Variants in LMX1A observed in about 807,000 individuals in gnomAD.
The protein encoded by LMX1A is LIM homeobox transcription factor 1-alpha.
In LMX1A, 15 loss-of-function variants were observed where a neutral mutation model predicts 49.1. That is an observed-to-expected ratio of 0.31 (90% CI 0.20 to 0.47). The LOEUF (loss-of-function observed/expected upper bound fraction) is 0.47. Among genes scored for constraint, LMX1A ranks in the 20% least tolerant of loss-of-function variants. The probability of loss-of-function intolerance (pLI) is 1.00; values close to 1 mark genes in which losing one functional copy is unlikely to be tolerated. For missense variants in LMX1A, 372 were observed against 475.8 expected, an observed-to-expected ratio of 0.78 and a Z score of 2.03; for synonymous variants, 167 against 185.7, an observed-to-expected ratio of 0.90 and a Z score of 0.82.
At chr1:165,255,939 C>G (rs1423266656) in intron 3 of LMX1A, among the ~76,000 whole-genome samples, 1 of 152,024 alleles carries the variant, frequency 6.6e-6, no homozygotes, top group Admixed American at 6.6e-5. Context: ...CACCATTGCA[C>G]TCCAGCCTGG....
chr1:165,232,987 G>C (rs890511879), intron 4 of LMX1A, among the ~76,000 whole-genome samples: 4 of 152,158 alleles, frequency 2.6e-5, no homozygotes, highest in Admixed American at 2.6e-4. Flanking sequence ...CGGACCAGCA[G>C]AAGTCCCAAT....
chr1:165,207,455 G>A (rs578120708), intron 7 of LMX1A: 1 of 152,274 alleles, frequency 6.6e-6, no homozygotes, highest in South Asian at 2.1e-4. Context: ...CACAGTTAGA[G>A]TTCTAGTCCC....
At chr1:165,291,553 T>C (rs1654467203) in intron 3 of LMX1A, among the ~76,000 whole-genome samples, 1 of 152,176 alleles carries the variant, frequency 6.6e-6, no homozygotes, top group Non-Finnish European at 1.5e-5. Context: ...CTACCAGAAT[T>C]CAAAATAATG....
intron 3 of LMX1A, among the ~76,000 whole-genome samples, chr1:165,339,147 T>C (rs528979766): frequency 6.6e-6 from 1 of 152,334 alleles, no homozygotes; most frequent in East Asian, 1.9e-4. Flanking sequence ...AAAAACCCAC[T>C]GTTATCCACT....
chr1:165,217,115 TTC>T (rs1022043090), intron 4 of LMX1A, among the ~76,000 whole-genome samples: 1 of 152,216 alleles, frequency 6.6e-6, no homozygotes, highest in Non-Finnish European at 1.5e-5. Context: ...AGGTGTTCAT[TTC>T]TCTCTCTTTG....
chr1:165,285,657 T>C (rs1654284213), intron 3 of LMX1A, among the ~76,000 whole-genome samples: 1 of 152,202 alleles, frequency 6.6e-6, no homozygotes, highest in African/African-American at 2.4e-5. Flanking sequence ...CCAAAAGGAA[T>C]GGGCTCAGCC....
chr1:165,230,699 T>C (rs759947015), intron 4 of LMX1A, among the ~76,000 whole-genome samples: 1 of 152,200 alleles, frequency 6.6e-6, no homozygotes, highest in South Asian at 2.1e-4. Flanking sequence ...AGACTAACAA[T>C]TTCACATTCA....
At chr1:165,229,499 G>C (rs1652165419) in intron 4 of LMX1A, among the ~76,000 whole-genome samples, 1 of 152,198 alleles carries the variant, frequency 6.6e-6, no homozygotes. Flanking sequence ...GAGGAAGCCT[G>C]ATACTAAACC....
intron 3 of LMX1A, among the ~76,000 whole-genome samples, chr1:165,289,042 G>A (rs904760648): frequency 6.6e-6 from 1 of 152,148 alleles, no homozygotes; most frequent in Admixed American, 6.5e-5. Flanking sequence ...TGCTGGGGGT[G>A]TCTTACAAAA....
At chr1:165,238,684 T>G (rs1435511088) in intron 4 of LMX1A, among the ~76,000 whole-genome samples, 1 of 152,214 alleles carries the variant, frequency 6.6e-6, no homozygotes, top group Non-Finnish European at 1.5e-5. Flanking sequence ...GTCTCTCAGG[T>G]AGTAAGTCCT....
chr1:165,323,977 A>C lies in LMX1A; in HGVS notation c.263+29099T>G, dbSNP rs143010649. 1.1e-3 allele frequency among the ~76,000 whole-genome samples: 175 copies of C among 152,342 alleles called. No individual in the cohort carries two copies. The Middle Eastern group carries it at 0.041, about 36-fold the overall frequency. On this transcript the variant is annotated intron_variant, in intron 3 of 8. Coordinates refer to ENST00000342310, the MANE Select transcript of LMX1A (RefSeq NM_177398.4). Reference sequence around the variant, plus strand: ...TCTACTAAATGCTTGTAGTTAACCTATCATCTCATTTCTAAAGATAGAGCA... The same window carrying C: ...TCTACTAAATGCTTGTAGTTAACCTCTCATCTCATTTCTAAAGATAGAGCA...
Position 165,234,375 on chromosome 1 carries a change from A to G in LMX1A, c.496+15033T>C, listed in dbSNP as rs544208385. 7.2e-5 allele frequency among the ~76,000 whole-genome samples: 11 copies of G among 152,292 alleles called. No homozygotes were observed. The South Asian group carries it at 2.1e-3, about 29-fold the overall frequency. ...TAAATAGTTCCAAGTCCTTTGCCCT[A>G]ATACACATATACACACCCCAAGAGG... On this transcript the variant is annotated intron_variant, in intron 4 of 8. Coordinates refer to ENST00000342310, the MANE Select transcript of LMX1A (RefSeq NM_177398.4).
At chr1:165,245,246 G>C (rs5012468) in intron 4 of LMX1A, among the ~76,000 whole-genome samples, 1 of 151,728 alleles carries the variant, frequency 6.6e-6, no homozygotes, top group African/African-American at 2.4e-5. Flanking sequence ...TTTGCCCCCC[G>C]CTCTCCTTCC....
chr1:165,276,863 T>C (rs1653985321), intron 3 of LMX1A, among the ~76,000 whole-genome samples: 1 of 152,224 alleles, frequency 6.6e-6, no homozygotes, highest in South Asian at 2.1e-4. Flanking sequence ...TTATCATTAT[T>C]GCTGATAACT....
chr1:165,300,283 T>C (rs1351081999), intron 3 of LMX1A, among the ~76,000 whole-genome samples: 4 of 152,218 alleles, frequency 2.6e-5, no homozygotes, highest in African/African-American at 4.8e-5. Flanking sequence ...ATGTGTGACC[T>C]GTTTACTTAA....
intron 3 of LMX1A, among the ~76,000 whole-genome samples, chr1:165,264,093 A>G (rs560737185): frequency 1.3e-5 from 2 of 152,310 alleles, no homozygotes; most frequent in African/African-American, 4.8e-5. Context: ...CCAGGAGAGC[A>G]TCAATTAACT....
At chr1:165,337,292 T>C (rs764830657) in intron 3 of LMX1A, among the ~76,000 whole-genome samples, 1 of 152,148 alleles carries the variant, frequency 6.6e-6, no homozygotes, top group Admixed American at 6.5e-5. Context: ...TTTTAGAGCA[T>C]AGAGAAAAGA....
intron 3 of LMX1A, among the ~76,000 whole-genome samples, chr1:165,295,708 A>G (rs1654597103): frequency 6.6e-6 from 1 of 152,144 alleles, no homozygotes; most frequent in Non-Finnish European, 1.5e-5. Flanking sequence ...AACAATAGGT[A>G]TTAAACCCAT....
At chr1:165,307,272 A>G (rs16842347) in intron 3 of LMX1A, among the ~76,000 whole-genome samples, 2,325 of 152,342 alleles carry the variant, frequency 0.015, 60 homozygotes, top group African/African-American at 0.052. Flanking sequence ...GAATCACTCT[A>G]TATTACATCA....
Sources: allele counts gnomAD v4.1 joint callset (sites outside exome capture counted in the v4.1 genomes callset), GRCh38; gene constraint gnomAD v4.1.1; transcripts MANE v1.5; gene names NCBI Gene and HGNC (gene_info 2026-07-23, HGNC 2026-07-21).